Variants in PRKAG2 observed in about 807,000 individuals in gnomAD.
PRKAG2 encodes protein kinase AMP-activated non-catalytic subunit gamma 2.
In PRKAG2, 26 loss-of-function variants were observed where a neutral mutation model predicts 69.6. The observed-to-expected ratio is 0.37, with a 90% confidence interval of 0.27 to 0.52. PRKAG2 has a LOEUF of 0.52. Ranked by LOEUF, PRKAG2 falls within the 20% of genes least tolerant of loss-of-function variation. PRKAG2 has a pLI of 0.90. For missense variants in PRKAG2, 557 were observed against 740.0 expected, an observed-to-expected ratio of 0.75 and a Z score of 2.87; for synonymous variants, 293 against 285.0, an observed-to-expected ratio of 1.03 and a Z score of -0.28.
intron 1 of PRKAG2, among the ~76,000 whole-genome samples, chr7:151,832,596 G>GGA (rs1554614837): frequency 0.074 from 82 of 1,106 alleles, 4 homozygotes; most frequent in East Asian, 0.49. Context: ...AGGCATCTCT[G>GGA]GGGGGGGGGT....
rs34243711 is a variant in PRKAG2 at position 151,850,072 on chromosome 7, C to G, written c.114+26435G>C. On this transcript the variant is annotated intron_variant, in intron 1 of 15. Transcript: ENST00000287878. This position sits in a 1 kb window ranked among gnomAD's most constrained non-coding sequence, Gnocchi z 4.1. The stretch of plus-strand genomic sequence containing the variant: ...TGGGCTGCAGGGGGAGCGAGACACA[C>G]CAGGGAGGCTGAGAACCCACACCGC... Among the ~76,000 whole-genome samples, 26,493 of 152,124 alleles carry G rather than the reference C, an allele frequency of 0.17. 2,691 individuals are homozygous for G. The highest frequency in any genetic ancestry group is 0.23 in the South Asian group (1,102 of 4,826).
chr7:151,716,358 T>C (rs1286388699), intron 3 of PRKAG2, among the ~76,000 whole-genome samples: 2 of 152,146 alleles, frequency 1.3e-5, no homozygotes, highest in Non-Finnish European at 2.9e-5. Flanking sequence ...GAAAATGCTT[T>C]GTGTTCAAGC....
intron 5 of PRKAG2, among the ~76,000 whole-genome samples, chr7:151,624,118 C>CA (rs1822224756): frequency 6.6e-6 from 1 of 150,846 alleles, no homozygotes; most frequent in Non-Finnish European, 1.5e-5. Flanking sequence ...GAAACAGCTC[C>CA]AAGTGGGACA....
intron 1 of PRKAG2, among the ~76,000 whole-genome samples, chr7:151,855,489 C>CACACACCACCCTCT (rs2079740237): frequency 9.9e-6 from 1 of 101,394 alleles, no homozygotes; most frequent in African/African-American, 3.4e-5. Flanking sequence ...CACCACCCTC[C>CACACACCACCCTCT]ACACACCACC....
rs2076614398 is a variant in PRKAG2 at position 151,780,582 on chromosome 7, G to A, written c.466+570C>T. 6.6e-6 allele frequency among the ~76,000 whole-genome samples: 1 copy of A among 152,124 alleles called. No homozygotes were observed. Among genetic ancestry groups the A allele is most frequent in the Non-Finnish European group, 1.5e-5 (1 of 68,020 alleles). Reference sequence around the variant, plus strand: ...AGATCACAAACACTAATGAACCTACGGAACTCTTTCTTAAACACTCACATT... The same window carrying A: ...AGATCACAAACACTAATGAACCTACAGAACTCTTTCTTAAACACTCACATT... On this transcript the variant is annotated intron_variant, in intron 3 of 15. Coordinates refer to ENST00000287878, the MANE Select transcript of PRKAG2 (RefSeq NM_016203.4). The surrounding 1 kb of genome is among the most constrained non-coding windows in gnomAD (Gnocchi z 4.2).
At chr7:151,709,294 G>A (rs1269072188) in intron 3 of PRKAG2, among the ~76,000 whole-genome samples, 1 of 93,548 alleles carries the variant, frequency 1.1e-5, no homozygotes, top group African/African-American at 5.8e-5. Context: ...GTATGGTACT[G>A]TATGACATTG....
rs115900096 is a variant in PRKAG2, at chr7:151,569,300, G to T, written c.1107-458C>A. Among the ~76,000 whole-genome samples, 702 of 152,372 alleles carry T rather than the reference G, an allele frequency of 4.6e-3. 12 individuals are homozygous for T. The highest frequency in any genetic ancestry group is 0.016 in the African/African-American group (664 of 41,590). ...TCCACCCACCATGGCCTCCCATAGTGCTGGGATTACGGGCATGAGCCCTTG... is the reference window on the plus strand; with the variant it reads ...TCCACCCACCATGGCCTCCCATAGTTCTGGGATTACGGGCATGAGCCCTTG... On this transcript the variant is annotated intron_variant, in intron 10 of 15. Coordinates refer to ENST00000287878, the MANE Select transcript of PRKAG2 (RefSeq NM_016203.4).
chr7:151,667,776 G>C (rs1430269503), intron 4 of PRKAG2, among the ~76,000 whole-genome samples: 2 of 152,210 alleles, frequency 1.3e-5, no homozygotes, highest in Admixed American at 1.3e-4. Context: ...CAAGTTAGCT[G>C]TTCCTGCCGA....
intron 3 of PRKAG2, among the ~76,000 whole-genome samples, chr7:151,693,774 C>A (rs190178413): frequency 1.3e-5 from 2 of 152,170 alleles, no homozygotes; most frequent in African/African-American, 4.8e-5. Context: ...CATGTGAGGA[C>A]GCAGCCAGGA....
intron 3 of PRKAG2, among the ~76,000 whole-genome samples, chr7:151,734,848 CTTT>C (rs35008070): frequency 5.6e-4 from 50 of 90,070 alleles, no homozygotes; most frequent in Admixed American, 3.3e-3. Context: ...AAATCTGATT[CTTT>C]TTTTTTTTTT....
In PRKAG2 at chr7:151,781,949, T is replaced by C. The variant is rs2076691663; in HGVS notation, c.187-518A>G. ...CAAGCTGCTTCAGCATTTGAAAGACTGAGGTTGCCAACAGAAGTCAGGAGA... is the reference window on the plus strand; with the variant it reads ...CAAGCTGCTTCAGCATTTGAAAGACCGAGGTTGCCAACAGAAGTCAGGAGA... On this transcript the variant is annotated intron_variant, in intron 2 of 15. Transcript: ENST00000287878. The surrounding 1 kb of genome is among the most constrained non-coding windows in gnomAD (Gnocchi z 6.1). 6.6e-6 allele frequency among the ~76,000 whole-genome samples: 1 copy of C among 152,006 alleles called. No individual in the cohort carries two copies. The highest frequency in any genetic ancestry group is 2.4e-5 in the African/African-American group (1 of 41,372).
chr7:151,649,856 C>T (rs1444062489), intron 4 of PRKAG2, among the ~76,000 whole-genome samples: 2 of 152,132 alleles, frequency 1.3e-5, no homozygotes, highest in African/African-American at 4.8e-5. Context: ...AATTAAACCT[C>T]TTTCCTTTAT....
intron 15 of PRKAG2, 199 bp downstream of exon 15, chr7:151,560,325 C>T (rs972476360): frequency 1.9e-5 from 29 of 1,489,222 alleles, no homozygotes; most frequent in Admixed American, 6.1e-5. Flanking sequence ...ACTTCGAATA[C>T]GTTCTATACA....
At chr7:151,870,224 A>C (rs550791032) in intron 1 of PRKAG2, among the ~76,000 whole-genome samples, 1 of 152,060 alleles carries the variant, frequency 6.6e-6, no homozygotes, top group East Asian at 1.9e-4. Flanking sequence ...TCATGGGGGC[A>C]GAAGAAATGG....
chr7:151,820,215 G>A (rs941134878), intron 1 of PRKAG2, among the ~76,000 whole-genome samples: 18 of 152,250 alleles, frequency 1.2e-4, no homozygotes, highest in African/African-American at 4.1e-4. Context: ...CTAAAAAATG[G>A]TGCATGCCAA....
At chr7:151,600,388 A>G (rs1815764319) in intron 5 of PRKAG2, among the ~76,000 whole-genome samples, 1 of 152,250 alleles carries the variant, frequency 6.6e-6, no homozygotes, top group Non-Finnish European at 1.5e-5. Flanking sequence ...TTGGCTGTGG[A>G]AAGGAGCCCC....
intron 1 of PRKAG2, among the ~76,000 whole-genome samples, chr7:151,864,513 T>C (rs527980969): frequency 2.6e-5 from 4 of 152,342 alleles, no homozygotes; most frequent in Admixed American, 2.6e-4. Context: ...GCCCAGTTCC[T>C]TCCCCAGACC....
At chr7:151,626,525 G>A (rs1019667950) in intron 5 of PRKAG2, among the ~76,000 whole-genome samples, 2 of 152,170 alleles carry the variant, frequency 1.3e-5, no homozygotes, top group Non-Finnish European at 2.9e-5. Context: ...AGTTTGGAAA[G>A]CAGATAATCA....
At chr7:151,842,079 GAT>G (rs1586704551) in intron 1 of PRKAG2, among the ~76,000 whole-genome samples, 21 of 138,568 alleles carry the variant, frequency 1.5e-4, no homozygotes, top group South Asian at 5.7e-4. Context: ...GGTAGGTAGT[GAT>G]GATGGTAGTG....
Sources: gnomAD v4.1 joint callset for allele counts (sites outside exome capture counted in the v4.1 genomes callset) on GRCh38, gnomAD v4.1.1 for gene constraint, Gnocchi (gnomAD v3.1) non-coding constraint, MANE v1.5 for transcripts, NCBI Gene and HGNC (gene_info 2026-07-23, HGNC 2026-07-21) for gene names.